The following C7 variants were observed in gnomAD, a reference collection of about 807,000 sequenced individuals.
The protein encoded by C7 is complement component C7.
C7 carries 83 observed loss-of-function variants against 104.8 expected under a neutral mutation model. The observed-to-expected ratio is 0.79, with a 90% CI of 0.66 to 0.95. C7 has a LOEUF of 0.95. Ranked by LOEUF, C7 falls within the 40% of genes least tolerant of loss-of-function variation. C7 has a pLI of 0.00. For synonymous variants in C7, 415 were observed against 360.6 expected, an observed-to-expected ratio of 1.15 and a Z score of -1.71; for missense variants, 1,070 against 1,011.2, an observed-to-expected ratio of 1.06 and a Z score of -0.79.
In C7 at chr5:40,975,611, G is replaced by A. The variant is rs906480272; in HGVS notation, c.2075-1139G>A. Among the ~76,000 whole-genome samples the A allele has an allele frequency of 2.6e-5, 4 of 152,112 alleles. No homozygotes were observed. The East Asian group carries it at 5.8e-4, about 22-fold the overall frequency. On this transcript the variant is annotated intron_variant, in intron 15 of 17. Transcript: ENST00000313164. ...ACTCCTGACCTCAAGTGATCTGCCT[G>A]CCTCGGCCTCCCAAAGTGCTGAGAT... is the stretch of plus-strand genomic sequence containing the variant.
At chr5:40,963,211 A>G (rs892404833) in intron 13 of C7, among the ~76,000 whole-genome samples, 3 of 152,184 alleles carry the variant, frequency 2.0e-5, no homozygotes, top group African/African-American at 7.2e-5. Flanking sequence ...GACTGGCTGC[A>G]TCCGAATGAC....
intron 15 of C7, among the ~76,000 whole-genome samples, chr5:40,974,582 A>AT (rs962802447): frequency 6.0e-4 from 91 of 150,808 alleles, no homozygotes; most frequent in African/African-American, 2.2e-4. Flanking sequence ...TGCCCGGCTA[A>AT]TTTTTTTTTG....
In C7 at chr5:40,947,834, T is replaced by C. The variant is rs1225305242; in HGVS notation, c.971T>C (p.Leu324Ser). ...CTATTTTATGTGGACTCAGAAAAATTAAAACAAAATGGTACAGTATTAAAA... is the reference window on the plus strand; with the variant it reads ...CTATTTTATGTGGACTCAGAAAAATCAAAACAAAATGGTACAGTATTAAAA... ...RVLFYVDSEK[L>S]KQNDFNSVEE... Residue 324 changes from leucine (L) to serine (S), a missense_variant, in exon 8 of 18, where the codon TTA becomes TCA. Physicochemically the swap from Leu to Ser is moderately radical, Grantham distance 145. Coordinates refer to ENST00000313164, the MANE Select transcript of C7 (RefSeq NM_000587.4). 1 of 1,611,266 alleles carries C rather than the reference T, an allele frequency of 6.2e-7. No homozygotes were observed. Among genetic ancestry groups the C allele is most frequent in the South Asian group, 1.1e-5 (1 of 90,080 alleles).
rs1561259382 is a variant in C7 at position 40,972,390 on chromosome 5, C to T, written c.1883-13C>T. On this transcript the variant is annotated splice_polypyrimidine_tract_variant and intron_variant, in intron 14 of 17. Coordinates refer to ENST00000313164, the MANE Select transcript of C7 (RefSeq NM_000587.4). ...AGCAACGACCCTTATATTTTGCTCT[C>T]TTTTATCTTTAGAAATTGCCTGTGT... The T allele has an allele frequency of 2.5e-6, 4 of 1,612,824 alleles. No homozygotes were observed. Among genetic ancestry groups the T allele is most frequent in the South Asian group, 1.1e-5 (1 of 91,006 alleles).
chr5:40,981,260 GA>G (rs1311045616), intron 17 of C7, 131 bp from the exon 18 acceptor site: 2 of 860,722 alleles, frequency 2.3e-6, no homozygotes, highest in African/African-American at 3.4e-5. Flanking sequence ...TTTTCCAGGG[GA>G]TAATTTATTA....
Position 40,936,471 on chromosome 5 carries a change from A to G in C7, c.414A>G (p.Glu138=). The G allele has an allele frequency of 1.2e-6, 2 of 1,613,054 alleles. No homozygotes were observed. The highest frequency in any genetic ancestry group is 2.2e-5 in the South Asian group (2 of 90,946). The change falls in exon 5 of 18, where the codon GAA becomes GAG. Residue 138 remains glutamate (E), a synonymous_variant. Coordinates refer to ENST00000313164, the MANE Select transcript of C7 (RefSeq NM_000587.4). ...CDIDKPPPNI[E]LTGNGYNELT... is the part of the protein sequence containing the mutation. ...TCGATAAACCTCCTCCTAACATAGA[A>G]CTTACTGGAAATGGGTAAGGTGCTG...
At chr5:40,934,603 T>A in intron 4 of C7, 137 bp downstream of exon 4, 1 of 869,854 alleles carries the variant, frequency 1.1e-6, no homozygotes, top group Non-Finnish European at 1.8e-6. Flanking sequence ...TCATCAGGAT[T>A]TTTGTTGGTA....
At chr5:40,940,825 C>G (rs972128782) in intron 6 of C7, among the ~76,000 whole-genome samples, 4 of 152,062 alleles carry the variant, frequency 2.6e-5, no homozygotes, top group African/African-American at 7.2e-5. Context: ...GGCAAAAAAG[C>G]TAAATAGCTT....
At position 40,915,753 on chromosome 5, in the gene C7, A is replaced by G. The variant is rs6866117; in HGVS notation, c.6+6137A>G. 7.4e-3 allele frequency among the ~76,000 whole-genome samples: 1,133 copies of G among 152,336 alleles called. 19 individuals carry two copies. Among genetic ancestry groups the G allele is most frequent in the African/African-American group, 0.026 (1,088 of 41,572 alleles). On this transcript the variant is annotated intron_variant, in intron 1 of 17. Coordinates refer to ENST00000313164, the MANE Select transcript of C7 (RefSeq NM_000587.4). ...CCTTTTCACCCTTTCAGATATGCTA[A>G]TCAGCACAATAGGCTTAAACATTTT...
At chr5:40,958,905 A>G (rs115301623) in intron 11 of C7, among the ~76,000 whole-genome samples, 383 of 152,322 alleles carry the variant, frequency 2.5e-3, no homozygotes, top group African/African-American at 9.0e-3. Context: ...CTTGATTCAT[A>G]GAAGTCACTA....
At chr5:40,955,910 T>C (rs1341904905) in intron 10 of C7, among the ~76,000 whole-genome samples, 1 of 152,194 alleles carries the variant, frequency 6.6e-6, no homozygotes, top group Non-Finnish European at 1.5e-5. Flanking sequence ...TTCTGTTATG[T>C]TCCTATCACC....
At chr5:40,951,113 AGT>A (rs1459098555) in intron 9 of C7, among the ~76,000 whole-genome samples, 1 of 152,214 alleles carries the variant, frequency 6.6e-6, no homozygotes, top group Non-Finnish European at 1.5e-5. Context: ...AGGTCAACAG[AGT>A]GAAGATAAGG....
At chr5:40,940,723 C>T (rs950911053) in intron 6 of C7, among the ~76,000 whole-genome samples, 1 of 152,120 alleles carries the variant, frequency 6.6e-6, no homozygotes, top group Non-Finnish European at 1.5e-5. Flanking sequence ...GTATACTAAG[C>T]ACTGTTCCAA....
In C7 at chr5:40,930,197, C is replaced by T. The variant is rs187045418; in HGVS notation, c.63-867C>T. 5.1e-3 allele frequency among the ~76,000 whole-genome samples: 744 copies of T among 146,944 alleles called. 7 individuals carry two copies. Among genetic ancestry groups the T allele is most frequent in the African/African-American group, 0.018 (716 of 39,024 alleles). ...CCTTCCTTCTATCAATAGTCAATGA[C>T]CTACCTCTTTTTTTTTTTTTTTTTT... On this transcript the variant is annotated intron_variant, in intron 2 of 17. Transcript: ENST00000313164.
In C7 at chr5:40,972,581, C is replaced by T; in HGVS notation, c.2061C>T (p.Arg687=). The change falls in exon 15 of 18, where the codon CGC becomes CGT. Residue 687 remains arginine (R), a synonymous_variant. Transcript: ENST00000313164. ...GGAGTCCTGAGATGAAGAATGCCCG[C>T]TGTGTACAAAAAGGTGAGTGGCTTC... The part of the protein sequence containing the change: ...LKWSPEMKNA[R]CVQKENPLTQ... 6.2e-7 allele frequency: 1 copy of T among 1,600,326 alleles called. No homozygotes were observed. The highest frequency in any genetic ancestry group is 8.5e-7 in the Non-Finnish European group (1 of 1,173,856).
chr5:40,930,071 A>G (rs531098192), intron 2 of C7, among the ~76,000 whole-genome samples: 7 of 152,206 alleles, frequency 4.6e-5, no homozygotes, highest in East Asian at 1.9e-4. Context: ...TCCCTTATCT[A>G]TATTCCCATA....
At chr5:40,949,653 T>G (rs1347474851) in intron 8 of C7, among the ~76,000 whole-genome samples, 1 of 152,190 alleles carries the variant, frequency 6.6e-6, no homozygotes, top group Non-Finnish European at 1.5e-5. Flanking sequence ...GGGTGTTCAA[T>G]TTCTACTCCC....
chr5:40,958,029 A>G lies in C7; in HGVS notation c.1261-4A>G, dbSNP rs1740331659. ...TACTGACTATAATGTCTTTATCTCT[A>G]TAGCTGACACCTTTATATGAGCTGG... On this transcript the variant is annotated splice_polypyrimidine_tract_variant and splice_region_variant and intron_variant, in intron 10 of 17. Coordinates refer to ENST00000313164, the MANE Select transcript of C7 (RefSeq NM_000587.4). 4 of 1,605,228 alleles carry G rather than the reference A, an allele frequency of 2.5e-6. No homozygotes were observed. Among genetic ancestry groups the G allele is most frequent in the East Asian group, 2.2e-5 (1 of 44,818 alleles).
chr5:40,984,087 C>T lies in C7; in HGVS notation c.*2514C>T, dbSNP rs1561264725. On this transcript the variant is annotated 3_prime_UTR_variant, in exon 18 of 18. Coordinates refer to ENST00000313164, the MANE Select transcript of C7 (RefSeq NM_000587.4). ...CAAGTTACCTGGGCAGAGAAGGTGCCTGAGAATATTTCCTAATCGTTTTGA... is the reference window on the plus strand; with the variant it reads ...CAAGTTACCTGGGCAGAGAAGGTGCTTGAGAATATTTCCTAATCGTTTTGA... Among the ~76,000 whole-genome samples, 1 of 152,166 alleles carries T rather than the reference C, an allele frequency of 6.6e-6. No homozygotes were observed. The highest frequency in any genetic ancestry group is 1.5e-5 in the Non-Finnish European group (1 of 68,022).
Sources: allele counts gnomAD v4.1 joint callset (sites outside exome capture counted in the v4.1 genomes callset), GRCh38; gene constraint gnomAD v4.1.1; transcripts MANE v1.5; gene names NCBI Gene and HGNC (gene_info 2026-07-23, HGNC 2026-07-21).